The following GFRA1 variants were observed in gnomAD, a reference collection of about 807,000 sequenced individuals.
GFRA1 encodes the protein GDNF family receptor alpha 1.
In GFRA1, 16 loss-of-function variants were observed where a neutral mutation model predicts 51.6. The observed-to-expected ratio is 0.31, with a 90% CI of 0.21 to 0.47. GFRA1 has a LOEUF of 0.47. Ranked by LOEUF, GFRA1 falls within the 20% of genes least tolerant of loss-of-function variation. The probability of loss-of-function intolerance (pLI) is 1.00; values close to 1 mark genes in which losing one functional copy is unlikely to be tolerated. For missense variants in GFRA1, 530 were observed against 594.3 expected (o/e 0.89, Z 1.13); for synonymous variants, 270 against 241.3 (o/e 1.12, Z -1.10).
intron 6 of GFRA1, among the ~76,000 whole-genome samples, chr10:116,111,929 C>T (rs533495448): frequency 1.1e-4 from 17 of 152,322 alleles, no homozygotes; most frequent in African/African-American, 3.6e-4. Context: ...CCTGCATGTG[C>T]GCTCTGTGGG....
rs75680382 is a variant in GFRA1 at position 116,271,012 on chromosome 10, C to G, written c.144G>C (p.Thr48=). 3.0e-5 allele frequency: 48 copies of G among 1,614,184 alleles called. No homozygotes were observed. The highest frequency in any genetic ancestry group is 3.3e-4 in the Middle Eastern group (2 of 6,062). ...CCTTGCCCGCCACGCACTGCCTTAGCGTGCGGTACTTGGTGCTGCAGCTCT... is the reference window on the plus strand; with the variant it reads ...CCTTGCCCGCCACGCACTGCCTTAGGGTGCGGTACTTGGTGCTGCAGCTCT... ...KEQSCSTKYR[T]LRQCVAGKET... is the part of the protein sequence containing the mutation. Residue 48 remains threonine (T), a synonymous_variant, in exon 3 of 11, where the codon ACG becomes ACC. Transcript: ENST00000355422.
At chr10:116,209,889 C>T (rs1013054209) in intron 5 of GFRA1, among the ~76,000 whole-genome samples, 1 of 152,004 alleles carries the variant, frequency 6.6e-6, no homozygotes, top group Non-Finnish European at 1.5e-5. Context: ...CCAATATGGC[C>T]AGAGCCATGT....
At chr10:116,070,058 T>C (rs942989192) in intron 9 of GFRA1, among the ~76,000 whole-genome samples, 1 of 152,148 alleles carries the variant, frequency 6.6e-6, no homozygotes, top group Admixed American at 6.5e-5. Flanking sequence ...GAAAAGCCAG[T>C]TTCTGCTCTA....
intron 5 of GFRA1, among the ~76,000 whole-genome samples, chr10:116,134,999 C>T (rs192927007): frequency 6.6e-5 from 10 of 152,330 alleles, no homozygotes; most frequent in Admixed American, 6.5e-4. Context: ...CCTCCTCCAC[C>T]TTTTCCTTTT....
chr10:116,126,375 C>T (rs1206292096), intron 5 of GFRA1, among the ~76,000 whole-genome samples: 2 of 152,174 alleles, frequency 1.3e-5, no homozygotes, highest in African/African-American at 4.8e-5. Flanking sequence ...ACACTGCCTG[C>T]TCTGTGCTGT....
intron 4 of GFRA1, among the ~76,000 whole-genome samples, chr10:116,241,511 T>C (rs1249638713): frequency 6.6e-6 from 1 of 152,174 alleles, no homozygotes; most frequent in Non-Finnish European, 1.5e-5. Context: ...CTGATCCAAG[T>C]GGTAGCTCGA....
chr10:116,171,061 G>C (rs74782475), intron 5 of GFRA1, among the ~76,000 whole-genome samples: 2,260 of 152,260 alleles, frequency 0.015, 20 homozygotes, highest in Middle Eastern at 0.054. Context: ...TGACAGTCAG[G>C]AACTGCATCC....
chr10:116,065,058 T>C (rs1335183898), intron 10 of GFRA1, among the ~76,000 whole-genome samples: 2 of 152,128 alleles, frequency 1.3e-5, no homozygotes, highest in African/African-American at 4.8e-5. Flanking sequence ...TTCCCCAGGA[T>C]AGAGTCCTCC....
chr10:116,090,450 A>C (rs909578792), intron 8 of GFRA1, among the ~76,000 whole-genome samples: 25 of 151,574 alleles, frequency 1.6e-4, no homozygotes, highest in African/African-American at 5.5e-4. Context: ...AAAAAAAAAA[A>C]AAAACTACCC....
At chr10:116,270,594 G>T (rs184136054) in intron 3 of GFRA1, among the ~76,000 whole-genome samples, 2 of 152,302 alleles carry the variant, frequency 1.3e-5, no homozygotes, top group South Asian at 2.1e-4. Context: ...CCCGGGGGTG[G>T]CCCTCCCCCC....
intron 6 of GFRA1, among the ~76,000 whole-genome samples, chr10:116,108,582 G>A (rs770064108): frequency 2.0e-5 from 3 of 152,030 alleles, no homozygotes; most frequent in Non-Finnish European, 4.4e-5. Flanking sequence ...TGATTTCCAG[G>A]GTCCACATAA....
intron 4 of GFRA1, among the ~76,000 whole-genome samples, chr10:116,257,964 C>G (rs545714559): frequency 1.3e-5 from 2 of 152,246 alleles, no homozygotes; most frequent in Non-Finnish European, 2.9e-5. Context: ...CCCCATTCAG[C>G]TCTACTCACC....
At chr10:116,093,630 A>G (rs1395136245) in intron 8 of GFRA1, 72 bp downstream of exon 8, 2 of 1,341,336 alleles carry the variant, frequency 1.5e-6, no homozygotes, top group Non-Finnish European at 1.1e-6. Context: ...GGCACAAGGT[A>G]CAAGAGGTAC....
intron 4 of GFRA1, among the ~76,000 whole-genome samples, chr10:116,243,576 A>C (rs1967592996): frequency 1.3e-5 from 2 of 151,830 alleles, no homozygotes; most frequent in Non-Finnish European, 2.9e-5. Context: ...TTTAAGAAAA[A>C]AAAAACACAG....
chr10:116,212,048 T>A (rs1965231366), intron 4 of GFRA1, among the ~76,000 whole-genome samples: 1 of 152,186 alleles, frequency 6.6e-6, no homozygotes, highest in Admixed American at 6.5e-5. Flanking sequence ...TTATTATAGT[T>A]CTCATTTTAT....
intron 4 of GFRA1, among the ~76,000 whole-genome samples, chr10:116,249,890 T>C (rs1056561288): frequency 6.6e-6 from 1 of 152,050 alleles, no homozygotes; most frequent in African/African-American, 2.4e-5. Context: ...AGGATAGTGG[T>C]AGGGTCTGTG....
Position 116,059,546 on chromosome 10 carries a change from G to A in GFRA1, c.*4852C>T, listed in dbSNP as rs1477392242. 6.6e-6 allele frequency: 1 copy of A among 152,304 alleles called. No individual in the cohort carries two copies. The highest frequency in any genetic ancestry group is 1.5e-5 in the Non-Finnish European group (1 of 68,116). The allele number at this position is 152,304 out of a possible 1,614,324, so 9.4% of individuals were successfully genotyped here. ...GGTCAAATGAGCTTGGAGACCTTAGGGGGCTGAGACCTCAACGACTATTAG... is the reference window on the plus strand; with the variant it reads ...GGTCAAATGAGCTTGGAGACCTTAGAGGGCTGAGACCTCAACGACTATTAG... On this transcript the variant is annotated 3_prime_UTR_variant, in exon 11 of 11. Transcript: ENST00000355422.
chr10:116,157,815 A>G (rs1959307068), intron 5 of GFRA1, among the ~76,000 whole-genome samples: 1 of 152,220 alleles, frequency 6.6e-6, no homozygotes, highest in African/African-American at 2.4e-5. Flanking sequence ...TGACAGCCTG[A>G]CAGAGGAATA....
rs190786805 is a variant in GFRA1 at position 116,102,976 on chromosome 10, T to A, written c.771-6212A>T. On this transcript the variant is annotated intron_variant, in intron 6 of 10. Transcript: ENST00000355422. Reference sequence around the variant, plus strand: ...GGCTTTCACTTCAAACCATTTAGTTTCTGAAAGCTTTCTCAGTGGGTCAGT... The same window carrying A: ...GGCTTTCACTTCAAACCATTTAGTTACTGAAAGCTTTCTCAGTGGGTCAGT... Among the ~76,000 whole-genome samples the A allele has an allele frequency of 1.2e-3, 176 of 152,280 alleles. 2 individuals carry two copies. Among genetic ancestry groups the A allele is most frequent in the African/African-American group, 3.9e-3 (164 of 41,576 alleles).
Sources: allele counts gnomAD v4.1 joint callset (sites outside exome capture counted in the v4.1 genomes callset), GRCh38; gene constraint gnomAD v4.1.1; transcripts MANE v1.5; gene names NCBI Gene and HGNC (gene_info 2026-07-23, HGNC 2026-07-21).